The following KCNT1 variants were observed in gnomAD, a reference collection of about 807,000 sequenced individuals.
The protein encoded by KCNT1 is potassium sodium-activated channel subfamily T member 1.
KCNT1 carries 78 observed loss-of-function variants against 147.8 expected under a neutral mutation model. The observed-to-expected ratio is 0.53, with a 90% CI of 0.44 to 0.64. The LOEUF (loss-of-function observed/expected upper bound fraction) is 0.64, where lower values mean the gene tolerates loss of function less well. Among genes scored for constraint, KCNT1 ranks in the 30% least tolerant of loss-of-function variants. KCNT1 has a pLI of 0.00. For missense variants in KCNT1, 1,419 were observed against 1,750.3 expected, an observed-to-expected ratio of 0.81 and a Z score of 3.38; for synonymous variants, 867 against 748.8, an observed-to-expected ratio of 1.16 and a Z score of -2.58.
intron 2 of KCNT1, among the ~76,000 whole-genome samples, chr9:135,737,795 C>G (rs978316207): frequency 4.6e-5 from 7 of 152,192 alleles, no homozygotes; most frequent in African/African-American, 1.2e-4. Flanking sequence ...CTCCCGGCAC[C>G]CCCATTTCTA....
At chr9:135,770,103 G>A (rs749642125) in intron 16 of KCNT1, 48 bp downstream of exon 16, 48 of 1,497,158 alleles carry the variant, frequency 3.2e-5, no homozygotes, top group African/African-American at 6.9e-5. Flanking sequence ...CGGGGCCGGC[G>A]CAGGGAGACA....
intron 18 of KCNT1, among the ~76,000 whole-genome samples, chr9:135,772,091 G>T (rs568005408): frequency 6.6e-6 from 1 of 152,178 alleles, no homozygotes; most frequent in Non-Finnish European, 1.5e-5. Flanking sequence ...CAGCTCACTC[G>T]GGGGGCCGGG....
chr9:135,772,970 G>A (rs912967699), intron 19 of KCNT1, 21 bp downstream of exon 19: 38 of 1,424,348 alleles, frequency 2.7e-5, no homozygotes, highest in Non-Finnish European at 3.4e-5. Context: ...CCTTGGAGAC[G>A]GCTCCCAGTG....
At chr9:135,780,149 C>T (rs1833503767) in intron 24 of KCNT1, among the ~76,000 whole-genome samples, 1 of 152,256 alleles carries the variant, frequency 6.6e-6, no homozygotes. Context: ...AGCCCCACCG[C>T]ATTCCCCACC....
At chr9:135,756,968 T>TGCCCCCCCCCCCC in intron 7 of KCNT1, 36 bp downstream of exon 7, 1 of 852,570 alleles carries the variant, frequency 1.2e-6, no homozygotes. Flanking sequence ...TCACAGGGGG[T>TGCCCCCCCCCCCC]CCCCACCCTC....
intron 19 of KCNT1, among the ~76,000 whole-genome samples, chr9:135,774,377 G>A (rs1322680767): frequency 2.1e-5 from 3 of 145,130 alleles, no homozygotes; most frequent in African/African-American, 7.8e-5. Context: ...TGTGTGTGGT[G>A]TGTGTTGCGT....
At position 135,774,626 on chromosome 9, in the gene KCNT1, G is replaced by A. The variant is rs369546271; in HGVS notation, c.2244-684G>A. Among the ~76,000 whole-genome samples the A allele has an allele frequency of 4.8e-3, 728 of 151,200 alleles. 2 individuals carry two copies. The highest frequency in any genetic ancestry group is 6.3e-3 in the Admixed American group (95 of 15,192). ...TTGTGTGTTGTGTATGTTGTGTGTC[G>A]ATGTGTGTGTTGTGTGTCTGGGTGT... On this transcript the variant is annotated intron_variant, in intron 19 of 30. Coordinates refer to ENST00000371757, the MANE Select transcript of KCNT1 (RefSeq NM_020822.3).
chr9:135,710,878 T>A (rs1284342457), intron 1 of KCNT1, among the ~76,000 whole-genome samples: 1 of 152,226 alleles, frequency 6.6e-6, no homozygotes, highest in African/African-American at 2.4e-5. Context: ...GAAGAAGACC[T>A]CCGTCTTCCG....
intron 1 of KCNT1, among the ~76,000 whole-genome samples, chr9:135,708,425 C>G (rs1303619956): frequency 2.0e-5 from 3 of 152,236 alleles, no homozygotes; most frequent in Non-Finnish European, 4.4e-5. Flanking sequence ...GTGCTCATCT[C>G]CCTCCTCCCT....
chr9:135,713,810 A>G (rs1835603369), intron 1 of KCNT1, among the ~76,000 whole-genome samples: 1 of 152,166 alleles, frequency 6.6e-6, no homozygotes, highest in Non-Finnish European at 1.5e-5. Context: ...AGACCCCTGG[A>G]AGACACCTGC....
Position 135,768,824 on chromosome 9 carries a change from G to C in KCNT1, c.1402-5G>C. 1.2e-6 allele frequency: 2 copies of C among 1,608,520 alleles called. No individual in the cohort carries two copies. Among genetic ancestry groups the C allele is most frequent in the Non-Finnish European group, 1.7e-6 (2 of 1,177,450 alleles). On this transcript the variant is annotated splice_polypyrimidine_tract_variant and splice_region_variant and intron_variant, in intron 14 of 30. Transcript: ENST00000371757. ...TCTGCACTGACCAACCACCCACCCC[G>C]CCAGGACCACCAGACCATCCTGCGC...
chr9:135,782,517 C>T lies in KCNT1; in HGVS notation c.2842-1507C>T, dbSNP rs1286613021. ...TCCTGCTCCCTCTGACCGGGGGTCT[C>T]GTGCTCAGGAAGGGCTCATCCGCTC... On this transcript the variant is annotated intron_variant, in intron 24 of 30. Transcript: ENST00000371757. Among the ~76,000 whole-genome samples the T allele has an allele frequency of 5.9e-5, 9 of 152,328 alleles. No homozygotes were observed. In the East Asian group the frequency reaches 1.7e-3, roughly 29 times the overall value.
chr9:135,703,841 C>T (rs1350694726), intron 1 of KCNT1, among the ~76,000 whole-genome samples: 1 of 152,240 alleles, frequency 6.6e-6, no homozygotes, highest in East Asian at 1.9e-4. Flanking sequence ...TCCTTCCAGA[C>T]ACCTGTCTCT....
intron 2 of KCNT1, among the ~76,000 whole-genome samples, chr9:135,724,340 C>G (rs916306245): frequency 6.6e-6 from 1 of 152,242 alleles, no homozygotes; most frequent in Admixed American, 6.5e-5. Flanking sequence ...CACTCCCATC[C>G]TGAGCCCCCT....
intron 11 of KCNT1, among the ~76,000 whole-genome samples, chr9:135,761,380 C>T (rs1485538704): frequency 2.6e-5 from 4 of 152,220 alleles, no homozygotes; most frequent in Admixed American, 2.6e-4. Context: ...CTGCTCCTTT[C>T]TCTGCGCATT....
At chr9:135,782,784 C>T (rs572984621) in intron 24 of KCNT1, among the ~76,000 whole-genome samples, 18 of 152,348 alleles carry the variant, frequency 1.2e-4, no homozygotes, top group Admixed American at 3.9e-4. Flanking sequence ...CCGCGAAGTA[C>T]GGCTGGAATT....
chr9:135,705,236 C>T (rs144992924), intron 1 of KCNT1, among the ~76,000 whole-genome samples: 2 of 152,314 alleles, frequency 1.3e-5, no homozygotes, highest in South Asian at 4.2e-4. Flanking sequence ...CCTGCTTCCC[C>T]GGGATGCAAA....
At chr9:135,702,766 C>T (rs1463031316) in intron 1 of KCNT1, among the ~76,000 whole-genome samples, 2 of 152,184 alleles carry the variant, frequency 1.3e-5, no homozygotes, top group Non-Finnish European at 2.9e-5. Flanking sequence ...TCTTGTGTGG[C>T]ATGGCAGTGC....
chr9:135,733,257 CCCCACAACTGCCCTCA>C (rs1830187916), intron 2 of KCNT1, among the ~76,000 whole-genome samples: 1 of 104,342 alleles, frequency 9.6e-6, no homozygotes, highest in Admixed American at 9.9e-5. Context: ...CCTGCACCTG[CCCCACAACTGCCCTCA>C]CACCTGCCCC....
Sources: allele counts gnomAD v4.1 joint callset (sites outside exome capture counted in the v4.1 genomes callset), GRCh38; gene constraint gnomAD v4.1.1; transcripts MANE v1.5; gene names NCBI Gene and HGNC (gene_info 2026-07-23, HGNC 2026-07-21).